The following ZFR2 variants were observed in gnomAD, a reference collection of about 807,000 sequenced individuals.
ZFR2 encodes zinc finger RNA binding protein 2, also known as zinc finger RNA-binding protein 2.
In ZFR2, 104 loss-of-function variants were observed where a neutral mutation model predicts 105.7. That is an observed-to-expected ratio of 0.98 (90% CI 0.84 to 1.16). The LOEUF (loss-of-function observed/expected upper bound fraction) is 1.16. ZFR2 is among the 50% of genes most tolerant of loss of function. ZFR2 has a pLI of 0.00. For missense variants in ZFR2, 1,425 were observed against 1,355.5 expected (o/e 1.05, Z -0.80); for synonymous variants, 634 against 597.7 (o/e 1.06, Z -0.89).
intron 7 of ZFR2, 130 bp downstream of exon 7, chr19:3,825,100 C>G: frequency 8.8e-7 from 1 of 1,130,990 alleles, no homozygotes; most frequent in East Asian, 3.1e-5. Context: ...AGAGACGGCA[C>G]CAGCCAGCCC....
At chr19:3,829,644 C>A (rs1315723560) in intron 5 of ZFR2, among the ~76,000 whole-genome samples, 1 of 152,140 alleles carries the variant, frequency 6.6e-6, no homozygotes, top group Admixed American at 6.6e-5. Flanking sequence ...TTCAAAGTGG[C>A]CAGGACTATA....
In ZFR2 at chr19:3,869,025, T is replaced by C; in HGVS notation, c.-8A>G. The C allele has an allele frequency of 7.4e-7, 1 of 1,359,350 alleles. No individual in the cohort carries two copies. Among genetic ancestry groups the C allele is most frequent in the Non-Finnish European group, 9.6e-7 (1 of 1,045,374 alleles). 84.2% of individuals were successfully genotyped at this position (1,359,350 alleles called of 1,614,324 possible). On this transcript the variant is annotated 5_prime_UTR_variant, in exon 1 of 19. Transcript: ENST00000262961. ...ATACTGACTCGTCGCCATCTTGGCG[T>C]CTTCCCCGAGCCTGGCGGACCCGCG... is the stretch of plus-strand genomic sequence containing the variant.
At chr19:3,835,629 G>A (rs902984493) in intron 1 of ZFR2, among the ~76,000 whole-genome samples, 2 of 150,360 alleles carry the variant, frequency 1.3e-5, no homozygotes, top group African/African-American at 2.4e-5. Flanking sequence ...CACCACGCCC[G>A]GCCAGAAAAT....
chr19:3,811,037 G>A (rs1012658030), intron 15 of ZFR2, among the ~76,000 whole-genome samples, 192 bp from the exon 16 acceptor site: 1 of 152,174 alleles, frequency 6.6e-6, no homozygotes, highest in African/African-American at 2.4e-5. Context: ...GCCACGAGAC[G>A]GCAGCGTCCC....
chr19:3,840,055 C>T (rs2038119786), intron 1 of ZFR2, among the ~76,000 whole-genome samples: 1 of 152,072 alleles, frequency 6.6e-6, no homozygotes, highest in Non-Finnish European at 1.5e-5. Flanking sequence ...TCTCCAATGC[C>T]CGGCAAACCT....
At chr19:3,806,370 C>A (rs1172130194) in intron 18 of ZFR2, among the ~76,000 whole-genome samples, 1 of 152,208 alleles carries the variant, frequency 6.6e-6, no homozygotes, top group African/African-American at 2.4e-5. Flanking sequence ...TCAAGTGATT[C>A]TCCTGCCTCA....
chr19:3,823,536 A>AG lies in ZFR2; in HGVS notation c.1214-134dup, dbSNP rs1199134141. 7 of 928,422 alleles carry AG rather than the reference A, an allele frequency of 7.5e-6. No individual in the cohort carries two copies. The African/African-American group carries it at 8.3e-5, about 11-fold the overall frequency. The allele number at this position is 928,422 out of a possible 1,614,324, so 57.5% of individuals were successfully genotyped here. A position where few individuals can be genotyped will look rare whatever the true frequency, so the allele number is the denominator to read the frequency against. ...CCATCCCCCTCCCTCCTGTGATGTC[A>AG]GGGGGAATGGCCCCGGACAGCAACC... On this transcript the variant is annotated intron_variant, in intron 7 of 18. Transcript: ENST00000262961. The surrounding 1 kb of genome is among the most constrained non-coding windows in gnomAD (Gnocchi z 5.4).
chr19:3,834,730 C>A lies in ZFR2; in HGVS notation c.264+43G>T. 5 of 1,594,882 alleles carry A rather than the reference C, an allele frequency of 3.1e-6. No homozygotes were observed. The highest frequency in any genetic ancestry group is 4.3e-6 in the Non-Finnish European group (5 of 1,171,226). Reference sequence around the variant, plus strand: ...CACCGCTCTCACCCATGCAAGGCGACCCACGTTTCCCGGCAACGCTGGTCA... The same window carrying A: ...CACCGCTCTCACCCATGCAAGGCGAACCACGTTTCCCGGCAACGCTGGTCA... On this transcript the variant is annotated intron_variant, in intron 2 of 18. Transcript: ENST00000262961. This position sits in a 1 kb window ranked among gnomAD's most constrained non-coding sequence, Gnocchi z 5.3.
At chr19:3,855,396 A>C (rs2038285586) in intron 1 of ZFR2, 3 of 1,231,756 alleles carry the variant, frequency 2.4e-6, no homozygotes, top group Non-Finnish European at 3.0e-6. Flanking sequence ...TGTGTGTACA[A>C]AATACCTGAC....
In ZFR2 at chr19:3,823,748, G is replaced by A. The variant is rs975466765; in HGVS notation, c.1214-345C>T. The stretch of plus-strand genomic sequence containing the variant: ...CGCACTTAACCTACCCCCGTTAGGC[G>A]AAATGATGGAGCCTCGGGGGGAGAC... On this transcript the variant is annotated intron_variant, in intron 7 of 18. Transcript: ENST00000262961. The surrounding 1 kb of genome is among the most constrained non-coding windows in gnomAD (Gnocchi z 5.4). 6.6e-6 allele frequency among the ~76,000 whole-genome samples: 1 copy of A among 152,188 alleles called. No homozygotes were observed. The highest frequency in any genetic ancestry group is 2.4e-5 in the African/African-American group (1 of 41,448).
chr19:3,823,176 G>A lies in ZFR2; in HGVS notation c.1371+70C>T. On this transcript the variant is annotated intron_variant, in intron 8 of 18. Coordinates refer to ENST00000262961, the MANE Select transcript of ZFR2 (RefSeq NM_015174.2). This position sits in a 1 kb window ranked among gnomAD's most constrained non-coding sequence, Gnocchi z 5.4. ...ATCTCGCTGGGAGAAGCCGGGTGAG[G>A]TCTCGAAGCCTGATCCATGGGAAGG... 1 of 1,603,078 alleles carries A rather than the reference G, an allele frequency of 6.2e-7. No individual in the cohort carries two copies. The highest frequency in any genetic ancestry group is 1.1e-5 in the South Asian group (1 of 90,576).
intron 9 of ZFR2, 123 bp from the exon 10 acceptor site, chr19:3,821,602 G>T: frequency 2.9e-5 from 13 of 450,092 alleles, no homozygotes; most frequent in Non-Finnish European, 4.0e-5. Flanking sequence ...ATCTCCCAAA[G>T]CCTTTTTTTT....
At chr19:3,850,766 A>C (rs2038229659) in intron 1 of ZFR2, among the ~76,000 whole-genome samples, 1 of 151,772 alleles carries the variant, frequency 6.6e-6, no homozygotes. Context: ...AAACACACAC[A>C]AAAAAACCAC....
In ZFR2 at chr19:3,831,709, C is replaced by A; in HGVS notation, c.549G>T (p.Val183=). 6.3e-7 allele frequency: 1 copy of A among 1,591,324 alleles called. No homozygotes were observed. The highest frequency in any genetic ancestry group is 8.6e-7 in the Non-Finnish European group (1 of 1,168,054). ...TGTAGGAGGGCGGGGGGTAGGAGGTCACGATGGAAGCTGACGACTCGGGCT... is the reference window on the plus strand; with the variant it reads ...TGTAGGAGGGCGGGGGGTAGGAGGTAACGATGGAAGCTGACGACTCGGGCT... ...GVQPESSASI[V]TSYPPPSYNP... is the part of the protein sequence containing the mutation. The change falls in exon 4 of 19, where the codon GTG becomes GTT. Residue 183 remains valine (V), a synonymous_variant. Transcript: ENST00000262961.
chr19:3,818,939 G>A (rs984487190), intron 12 of ZFR2, 106 bp downstream of exon 12: 59 of 1,380,338 alleles, frequency 4.3e-5, no homozygotes, highest in Non-Finnish European at 5.5e-5. Flanking sequence ...GGCCACCGAC[G>A]GCTCCAGGCC....
At chr19:3,851,343 G>A (rs1399271825) in intron 1 of ZFR2, among the ~76,000 whole-genome samples, 1 of 152,190 alleles carries the variant, frequency 6.6e-6, no homozygotes, top group Non-Finnish European at 1.5e-5. Context: ...ACAGCCAAGA[G>A]TAATATGTGT....
At chr19:3,828,337 C>A (rs541093475) in intron 5 of ZFR2, among the ~76,000 whole-genome samples, 27 of 152,246 alleles carry the variant, frequency 1.8e-4, no homozygotes, top group Non-Finnish European at 3.5e-4. Context: ...ATGAAGCCCA[C>A]GTAACAAACC....
intron 1 of ZFR2, 115 bp downstream of exon 1, chr19:3,868,850 T>G: frequency 2.2e-6 from 2 of 895,672 alleles, no homozygotes; most frequent in Non-Finnish European, 3.0e-6. Flanking sequence ...GGGTTCCAGG[T>G]TGGGGCTGGG....
intron 3 of ZFR2, among the ~76,000 whole-genome samples, chr19:3,832,588 G>T (rs969194271): frequency 6.6e-6 from 1 of 151,784 alleles, no homozygotes; most frequent in South Asian, 2.1e-4. Context: ...GCAAAGTGCT[G>T]GGATTACAGG....
Sources: gnomAD v4.1 joint callset for allele counts (sites outside exome capture counted in the v4.1 genomes callset) on GRCh38, gnomAD v4.1.1 for gene constraint, Gnocchi (gnomAD v3.1) non-coding constraint, MANE v1.5 for transcripts, NCBI Gene and HGNC (gene_info 2026-07-23, HGNC 2026-07-21) for gene names.